The following MRPL42 variants were observed in gnomAD, a reference collection of about 807,000 sequenced individuals.
MRPL42 encodes large ribosomal subunit protein mL42.
In MRPL42, 17 loss-of-function variants were observed where a neutral mutation model predicts 17.9. That is an observed-to-expected ratio of 0.95 (90% CI 0.65 to 1.42). The LOEUF is 1.42. MRPL42 is among the 40% of genes most tolerant of loss of function. The pLI, the probability that MRPL42 is intolerant of heterozygous loss-of-function variation, is 0.00. For synonymous variants in MRPL42, 59 were observed against 54.4 expected (o/e 1.08, Z -0.37); for missense variants, 177 against 175.2 (o/e 1.01, Z -0.06).
rs1039891088 is a variant in MRPL42, at chr12:93,514,966, G to C, written c.*13745G>C. 2.0e-5 allele frequency: 3 copies of C among 151,998 alleles called. No individual in the cohort carries two copies. Among genetic ancestry groups the C allele is most frequent in the African/African-American group, 7.3e-5 (3 of 41,358 alleles). 9.4% of individuals were successfully genotyped at this position (151,998 alleles called of 1,614,324 possible). On this transcript the variant is annotated 3_prime_UTR_variant, in exon 6 of 6. Transcript: ENST00000549982. The stretch of plus-strand genomic sequence containing the variant: ...GCATTGAGTCATCATTTCTTAAGAG[G>C]GAATCAGGATATCAAAATAGTCTCC...
intron 4 of MRPL42, among the ~76,000 whole-genome samples, chr12:93,479,789 C>T (rs955043436): frequency 6.6e-6 from 1 of 151,214 alleles, no homozygotes; most frequent in African/African-American, 2.4e-5. Context: ...CCATGCTACC[C>T]CATATTATAA....
intron 2 of MRPL42, among the ~76,000 whole-genome samples, chr12:93,475,663 A>G (rs4761725): frequency 1.3e-5 from 2 of 151,714 alleles, no homozygotes; most frequent in Non-Finnish European, 2.9e-5. Flanking sequence ...TTTTTTGAAC[A>G]TAGGAGAATC....
chr12:93,487,569 G>T lies in MRPL42; in HGVS notation c.292G>T (p.Glu98Ter). ...HDQVLKTRLE[E>*]KVEHLEEGPM... The stretch of plus-strand genomic sequence containing the variant: ...TCAAGTGCTGAAAACCAGATTGGAA[G>T]AAAAAGTTGAACACCTTGAGGAAGG... Residue 98 changes from glutamate (E) to a stop codon, truncating the protein, a stop_gained, in exon 5 of 6, where the codon GAA (glutamate) becomes TAA (stop). Coordinates refer to ENST00000549982, the MANE Select transcript of MRPL42 (RefSeq NM_014050.4). LOFTEE classifies it high-confidence loss of function. The T allele has an allele frequency of 6.2e-7, 1 of 1,613,426 alleles. No homozygotes were observed. The highest frequency in any genetic ancestry group is 8.5e-7 in the Non-Finnish European group (1 of 1,179,416).
chr12:93,487,685 A>G (rs761554116), intron 5 of MRPL42, 25 bp downstream of exon 5: 2 of 1,564,616 alleles, frequency 1.3e-6, no homozygotes, highest in Non-Finnish European at 1.7e-6. Flanking sequence ...CTTTTCTTCA[A>G]TCCCTACTAC....
At chr12:93,474,952 C>T (rs1880089264) in intron 2 of MRPL42, among the ~76,000 whole-genome samples, 3 of 151,940 alleles carry the variant, frequency 2.0e-5, no homozygotes, top group South Asian at 2.1e-4. Flanking sequence ...AAAAATTAGC[C>T]GGACATGGTG....
chr12:93,473,121 A>G (rs936543903), intron 2 of MRPL42, among the ~76,000 whole-genome samples: 1 of 152,218 alleles, frequency 6.6e-6, no homozygotes, highest in Admixed American at 6.5e-5. Context: ...AATTACAGAA[A>G]TTATTGTTAA....
At chr12:93,468,199 T>C (rs1329558982) in intron 1 of MRPL42, among the ~76,000 whole-genome samples, 1 of 152,210 alleles carries the variant, frequency 6.6e-6, no homozygotes, top group African/African-American at 2.4e-5. Flanking sequence ...AGCACACCTA[T>C]GAGCTCAGGG....
At chr12:93,484,387 TTATGTGCTATACATAATTG>T (rs902803865) in intron 4 of MRPL42, among the ~76,000 whole-genome samples, 2 of 152,000 alleles carry the variant, frequency 1.3e-5, no homozygotes, top group Non-Finnish European at 2.9e-5. Context: ...TTATCAAGTA[TTATGTGCTATACATAATTG>T]TATGTGCTAT....
At chr12:93,479,367 C>G in intron 3 of MRPL42, 21 bp from the exon 4 acceptor site, 2 of 1,509,686 alleles carry the variant, frequency 1.3e-6, no homozygotes, top group Non-Finnish European at 9.0e-7. Context: ...AACTTTATTT[C>G]TAAAACATTC....
At chr12:93,486,837 T>C (rs191050060) in intron 4 of MRPL42, among the ~76,000 whole-genome samples, 9 of 151,800 alleles carry the variant, frequency 5.9e-5, no homozygotes, top group African/African-American at 2.2e-4. Context: ...CTTTTTTTTT[T>C]ATTTGTAGTA....
chr12:93,473,966 A>G (rs1284378071), intron 2 of MRPL42, among the ~76,000 whole-genome samples: 1 of 152,118 alleles, frequency 6.6e-6, no homozygotes, highest in African/African-American at 2.4e-5. Flanking sequence ...ACAGTAATGA[A>G]CAAGGTACAG....
rs920208091 is a variant in MRPL42, at chr12:93,501,599, A to G, written c.*378A>G. ...AGGCTACTGTAAGTGTTCTGAGCAT[A>G]TTTAAGACAGGCTAGCATTTTCAAT... On this transcript the variant is annotated 3_prime_UTR_variant, in exon 6 of 6. Coordinates refer to ENST00000549982, the MANE Select transcript of MRPL42 (RefSeq NM_014050.4). 6.4e-6 allele frequency: 1 copy of G among 156,388 alleles called. No homozygotes were observed. The highest frequency in any genetic ancestry group is 1.4e-5 in the Non-Finnish European group (1 of 71,040). The allele number at this position is 156,388 out of a possible 1,614,324, so 9.7% of individuals were successfully genotyped here. A position where few individuals can be genotyped will look rare whatever the true frequency, so the allele number is the denominator to read the frequency against.
intron 5 of MRPL42, among the ~76,000 whole-genome samples, chr12:93,500,142 A>G (rs938136874): frequency 2.6e-5 from 4 of 152,184 alleles, no homozygotes; most frequent in Admixed American, 2.0e-4. Context: ...ATCTATACAT[A>G]AGTTTTGTTA....
intron 5 of MRPL42, among the ~76,000 whole-genome samples, chr12:93,497,864 T>G (rs1453820385): frequency 6.6e-6 from 1 of 151,404 alleles, no homozygotes; most frequent in Non-Finnish European, 1.5e-5. Flanking sequence ...AGAAACACTC[T>G]AGGCCTACAA....
intron 5 of MRPL42, among the ~76,000 whole-genome samples, chr12:93,494,091 A>G (rs371537589): frequency 6.8e-6 from 1 of 146,218 alleles, no homozygotes; most frequent in South Asian, 2.3e-4. Context: ...GAACAAGGAA[A>G]AGACAGTAGG....
rs1470359258 is a variant in MRPL42, at chr12:93,504,876, G to A, written c.*3655G>A. On this transcript the variant is annotated 3_prime_UTR_variant, in exon 6 of 6. Transcript: ENST00000549982. ...AGCCTATAAGCTCCATGACTTCTAGGTACCCTGTCTGACTACGTGTATCAC... is the reference window on the plus strand; with the variant it reads ...AGCCTATAAGCTCCATGACTTCTAGATACCCTGTCTGACTACGTGTATCAC... 1.3e-5 allele frequency: 2 copies of A among 152,078 alleles called. No homozygotes were observed. The highest frequency in any genetic ancestry group is 2.9e-5 in the Non-Finnish European group (2 of 68,022). 9.4% of individuals were successfully genotyped at this position (152,078 alleles called of 1,614,324 possible).
intron 5 of MRPL42, among the ~76,000 whole-genome samples, chr12:93,497,579 C>T (rs2121270204): frequency 6.6e-6 from 1 of 152,214 alleles, no homozygotes; most frequent in East Asian, 1.9e-4. Flanking sequence ...AGGGAACATA[C>T]TCCAAAATAA....
At chr12:93,479,564 TTTTC>T (rs1880357734) in intron 4 of MRPL42, 92 bp downstream of exon 4, 1 of 659,708 alleles carries the variant, frequency 1.5e-6, no homozygotes, top group African/African-American at 1.9e-5. Context: ...AGTCATCTGA[TTTTC>T]TTTGTTTTAG....
chr12:93,480,605 G>A (rs1050948258), intron 4 of MRPL42, among the ~76,000 whole-genome samples: 9 of 148,590 alleles, frequency 6.1e-5, no homozygotes, highest in East Asian at 4.1e-4. Flanking sequence ...GCAATGGCGC[G>A]ATCTCGGCTC....
Sources: allele counts gnomAD v4.1 joint callset (sites outside exome capture counted in the v4.1 genomes callset), GRCh38; gene constraint gnomAD v4.1.1; transcripts MANE v1.5; gene names NCBI Gene and HGNC (gene_info 2026-07-23, HGNC 2026-07-21).